Variants in TAFA2 observed in about 807,000 individuals in gnomAD.
The protein encoded by TAFA2 is TAFA chemokine like family member 2, also known as chemokine-like protein TAFA-2.
Under a neutral mutation model 18.8 loss-of-function variants are expected in TAFA2, and 7 were observed. The ratio of observed to expected loss-of-function variants is 0.37; its 90% CI spans 0.21 to 0.70. The LOEUF (loss-of-function observed/expected upper bound fraction) is 0.70, where lower values mean the gene tolerates loss of function less well. Among genes scored for constraint, TAFA2 ranks in the 30% least tolerant of loss-of-function variants. The pLI, the probability that TAFA2 is intolerant of heterozygous loss-of-function variation, is 0.53. For missense variants in TAFA2, 122 were observed against 158.1 expected, an observed-to-expected ratio of 0.77 and a Z score of 1.23; for synonymous variants, 60 against 54.2, an observed-to-expected ratio of 1.11 and a Z score of -0.47.
intron 1 of TAFA2, chr12:61,880,553 A>T (rs1875080458): frequency 2.0e-6 from 1 of 489,890 alleles, no homozygotes; most frequent in Non-Finnish European, 4.1e-6. Context: ...GAACATGAGT[A>T]TCTACTCAAA....
intron 4 of TAFA2, chr12:61,721,036 T>A: frequency 2.2e-6 from 1 of 453,206 alleles, no homozygotes; most frequent in Non-Finnish European, 4.4e-6. Context: ...AAGACAATAA[T>A]GTCCTTTACC....
chr12:62,184,727 T>C (rs750304444), intron 1 of TAFA2, among the ~76,000 whole-genome samples: 5 of 151,878 alleles, frequency 3.3e-5, no homozygotes, highest in Non-Finnish European at 5.9e-5. Context: ...CTTGAACTCC[T>C]GGGCTCAAGT....
intron 1 of TAFA2, among the ~76,000 whole-genome samples, chr12:61,875,396 T>C (rs1245674264): frequency 6.6e-6 from 1 of 152,054 alleles, no homozygotes; most frequent in African/African-American, 2.4e-5. Context: ...ATCTATCTCC[T>C]CCAGGGTCCA....
chr12:61,808,525 A>G (rs1411164532), intron 2 of TAFA2, among the ~76,000 whole-genome samples: 1 of 151,452 alleles, frequency 6.6e-6, no homozygotes, highest in Non-Finnish European at 1.5e-5. Flanking sequence ...CTAACCTTAA[A>G]ATATGATTAG....
At chr12:61,977,447 T>C (rs1054026470) in intron 1 of TAFA2, among the ~76,000 whole-genome samples, 4 of 152,088 alleles carry the variant, frequency 2.6e-5, no homozygotes, top group Non-Finnish European at 5.9e-5. Context: ...ATTGTTTGAC[T>C]TTCCTATTTG....
At chr12:61,846,637 C>T (rs1873416456) in intron 2 of TAFA2, among the ~76,000 whole-genome samples, 1 of 152,048 alleles carries the variant, frequency 6.6e-6, no homozygotes, top group Admixed American at 6.6e-5. Context: ...TTGATTATAA[C>T]TATTGTCTTT....
At chr12:61,935,023 C>T (rs1361444130) in intron 1 of TAFA2, among the ~76,000 whole-genome samples, 2 of 152,108 alleles carry the variant, frequency 1.3e-5, no homozygotes, top group Admixed American at 1.3e-4. Context: ...CCAAGCCTGG[C>T]ACGAGTACAT....
At chr12:62,120,649 G>A (rs1870151217) in intron 1 of TAFA2, among the ~76,000 whole-genome samples, 1 of 151,952 alleles carries the variant, frequency 6.6e-6, no homozygotes, top group South Asian at 2.1e-4. Flanking sequence ...GTTTCCAGCT[G>A]ACCCAACAGC....
intron 4 of TAFA2, among the ~76,000 whole-genome samples, chr12:61,730,788 A>T (rs1034525501): frequency 4.6e-5 from 7 of 152,088 alleles, no homozygotes; most frequent in African/African-American, 1.7e-4. Flanking sequence ...AGCCAAATTT[A>T]CATCCAGGCC....
chr12:61,961,905 T>A (rs1025173291), intron 1 of TAFA2, among the ~76,000 whole-genome samples: 2 of 152,004 alleles, frequency 1.3e-5, no homozygotes, highest in Non-Finnish European at 2.9e-5. Context: ...TAATACTTTC[T>A]CCACAAATAG....
chr12:61,839,952 T>C (rs1873102427), intron 2 of TAFA2, among the ~76,000 whole-genome samples: 1 of 151,990 alleles, frequency 6.6e-6, no homozygotes, highest in South Asian at 2.1e-4. Context: ...AAAGTTGACA[T>C]AGACATGAGG....
chr12:61,886,446 C>T (rs913141069), intron 1 of TAFA2, among the ~76,000 whole-genome samples: 19 of 152,302 alleles, frequency 1.2e-4, no homozygotes, highest in African/African-American at 4.3e-4. Flanking sequence ...CTCCAGACAA[C>T]GTTTCTTCAC....
chr12:61,955,435 CTATTAAAAAT>C (rs1194631257), intron 1 of TAFA2, among the ~76,000 whole-genome samples: 3 of 150,308 alleles, frequency 2.0e-5, no homozygotes, highest in African/African-American at 7.4e-5. Context: ...AACCCCGTCT[CTATTAAAAAT>C]ACAAAAATTA....
intron 2 of TAFA2, among the ~76,000 whole-genome samples, chr12:61,759,088 G>A (rs981250936): frequency 6.6e-6 from 1 of 151,984 alleles, no homozygotes; most frequent in African/African-American, 2.4e-5. Context: ...GCTTCCTTCT[G>A]TATTTCAAGG....
chr12:62,036,874 A>G (rs554497470), intron 1 of TAFA2, among the ~76,000 whole-genome samples: 1 of 152,324 alleles, frequency 6.6e-6, no homozygotes, highest in South Asian at 2.1e-4. Flanking sequence ...ACTGGCTAAA[A>G]CAAAAAATCA....
chr12:61,753,945 T>C (rs1869141782), intron 3 of TAFA2, among the ~76,000 whole-genome samples, 199 bp from the exon 4 acceptor site: 1 of 152,094 alleles, frequency 6.6e-6, no homozygotes, highest in Non-Finnish European at 1.5e-5. Context: ...AAAACATTTT[T>C]TATTTTATTG....
At chr12:62,076,264 GA>G (rs908798646) in intron 1 of TAFA2, among the ~76,000 whole-genome samples, 6 of 151,342 alleles carry the variant, frequency 4.0e-5, no homozygotes, top group South Asian at 2.1e-4. Flanking sequence ...GGAGAAATAT[GA>G]AAAAAAAATT....
chr12:62,180,344 A>G (rs778979769), intron 1 of TAFA2, among the ~76,000 whole-genome samples: 7 of 152,212 alleles, frequency 4.6e-5, no homozygotes, highest in Non-Finnish European at 8.8e-5. Flanking sequence ...ACAAGGAAAA[A>G]TCAGGTTCAT....
At chr12:62,149,089 C>T (rs2062307499) in intron 1 of TAFA2, among the ~76,000 whole-genome samples, 1 of 152,206 alleles carries the variant, frequency 6.6e-6, no homozygotes, top group Non-Finnish European at 1.5e-5. Context: ...CACAGACTTA[C>T]AGCATTTATT....
Sources: gnomAD v4.1 joint callset for allele counts (sites outside exome capture counted in the v4.1 genomes callset) on GRCh38, gnomAD v4.1.1 for gene constraint, MANE v1.5 for transcripts, NCBI Gene and HGNC (gene_info 2026-07-23, HGNC 2026-07-21) for gene names.